The following ARHGAP32 variants were observed in gnomAD, a reference collection of about 807,000 sequenced individuals.
ARHGAP32 encodes Rho GTPase activating protein 32, also known as rho GTPase-activating protein 32.
ARHGAP32 carries 51 observed loss-of-function variants against 186.5 expected under a neutral mutation model. The ratio of observed to expected loss-of-function variants is 0.27; its 90% CI spans 0.22 to 0.35. ARHGAP32 has a LOEUF of 0.35. Ranked by LOEUF, ARHGAP32 falls within the 10% of genes least tolerant of loss-of-function variation. The probability of loss-of-function intolerance (pLI) is 1.00; values close to 1 mark genes in which losing one functional copy is unlikely to be tolerated. For missense variants in ARHGAP32, 2,186 were observed against 2,623.5 expected, an observed-to-expected ratio of 0.83 and a Z score of 3.64; for synonymous variants, 950 against 964.3, an observed-to-expected ratio of 0.99 and a Z score of 0.27.
intron 11 of ARHGAP32, among the ~76,000 whole-genome samples, chr11:129,020,189 C>CA (rs980605543): frequency 1.3e-5 from 2 of 151,204 alleles, no homozygotes; most frequent in Admixed American, 6.6e-5. Flanking sequence ...AGAACTTTGT[C>CA]AAAAAAAATT....
intron 1 of ARHGAP32, among the ~76,000 whole-genome samples, chr11:129,269,863 A>C (rs1224259332): frequency 6.6e-6 from 1 of 152,202 alleles, no homozygotes; most frequent in Non-Finnish European, 1.5e-5. Context: ...CACTGACAAC[A>C]CCAAATGTGG....
At chr11:129,265,916 G>A (rs572319687) in intron 1 of ARHGAP32, among the ~76,000 whole-genome samples, 7 of 152,180 alleles carry the variant, frequency 4.6e-5, no homozygotes, top group African/African-American at 1.4e-4. Flanking sequence ...TAAAAAATGA[G>A]TAACACATAA....
At chr11:129,042,103 T>C (rs1194247970) in intron 10 of ARHGAP32, among the ~76,000 whole-genome samples, 1 of 152,210 alleles carries the variant, frequency 6.6e-6, no homozygotes, top group Non-Finnish European at 1.5e-5. Flanking sequence ...TGTGAAGATA[T>C]AAACCAGTTA....
intron 5 of ARHGAP32, among the ~76,000 whole-genome samples, chr11:129,122,126 TATTTC>T (rs1240259843): frequency 2.0e-5 from 3 of 152,144 alleles, no homozygotes; most frequent in Admixed American, 6.5e-5. Context: ...GTGCTTTTTC[TATTTC>T]ATTATACAAT....
chr11:128,973,349 C>T lies in ARHGAP32; in HGVS notation c.3157G>A (p.Val1053Ile). Residue 1053 changes from valine (V) to isoleucine (I), a missense_variant, in exon 22 of 23, where the codon GTT becomes ATT. By Grantham distance (29) the Val-to-Ile change is conservative. Transcript: ENST00000682385. ...LIPPPPPPKN[V>I]ARMLALALAE... is the part of the protein sequence containing the mutation. ...AATGCTAGCGCCAACATTCGGGCAA[C>T]ATTTTTCGGAGGCGGTGGTGGTGGG... 6.2e-7 allele frequency: 1 copy of T among 1,614,072 alleles called. No homozygotes were observed. The highest frequency in any genetic ancestry group is 2.2e-5 in the East Asian group (1 of 44,882).
chr11:129,061,550 C>T (rs1283620671), intron 10 of ARHGAP32, among the ~76,000 whole-genome samples: 7 of 152,132 alleles, frequency 4.6e-5, no homozygotes, highest in Non-Finnish European at 8.8e-5. Flanking sequence ...TACTTGAACA[C>T]AGCACCTTAA....
chr11:129,167,273 A>T (rs1160616172), intron 1 of ARHGAP32, among the ~76,000 whole-genome samples: 1 of 152,200 alleles, frequency 6.6e-6, no homozygotes, highest in Non-Finnish European at 1.5e-5. Context: ...TATTAGAAGG[A>T]ATGTAAAATG....
intron 10 of ARHGAP32, among the ~76,000 whole-genome samples, chr11:129,050,365 A>G (rs185021518): frequency 6.6e-6 from 1 of 152,040 alleles, no homozygotes; most frequent in African/African-American, 2.4e-5. Flanking sequence ...TTTCTTCTTT[A>G]ATTTTGAGAG....
At chr11:129,055,049 A>T (rs1469208822) in intron 10 of ARHGAP32, among the ~76,000 whole-genome samples, 1 of 152,220 alleles carries the variant, frequency 6.6e-6, no homozygotes, top group Admixed American at 6.5e-5. Context: ...CCTACCCCAC[A>T]ACGACTGAAA....
intron 1 of ARHGAP32, among the ~76,000 whole-genome samples, chr11:129,191,779 G>A (rs1944275261): frequency 6.6e-6 from 1 of 151,908 alleles, no homozygotes; most frequent in Non-Finnish European, 1.5e-5. Flanking sequence ...TCAGATACAG[G>A]AAGGGGTAGT....
At chr11:129,215,595 T>TCAGTTTCTAAA in intron 1 of ARHGAP32, among the ~76,000 whole-genome samples, 1 of 152,274 alleles carries the variant, frequency 6.6e-6, no homozygotes, top group South Asian at 2.1e-4. Flanking sequence ...TTACATTCCT[T>TCAGTTTCTAAA]GGCTCATGAC....
At chr11:129,054,873 A>G (rs1940187946) in intron 10 of ARHGAP32, among the ~76,000 whole-genome samples, 1 of 152,240 alleles carries the variant, frequency 6.6e-6, no homozygotes, top group Non-Finnish European at 1.5e-5. Flanking sequence ...GTTTAAGAAA[A>G]GAAAGAGAGT....
chr11:129,135,447 T>C (rs1413187536), intron 2 of ARHGAP32, among the ~76,000 whole-genome samples: 1 of 152,190 alleles, frequency 6.6e-6, no homozygotes, highest in African/African-American at 2.4e-5. Context: ...ATAACTGTAC[T>C]AAGTCAATCT....
At chr11:129,106,998 A>G (rs1047810932) in intron 5 of ARHGAP32, among the ~76,000 whole-genome samples, 1 of 152,182 alleles carries the variant, frequency 6.6e-6, no homozygotes, top group Non-Finnish European at 1.5e-5. Flanking sequence ...GTTCCACACC[A>G]AGACACACTA....
intron 6 of ARHGAP32, among the ~76,000 whole-genome samples, chr11:129,087,457 C>A (rs1941440981): frequency 6.6e-6 from 1 of 152,058 alleles, no homozygotes; most frequent in Admixed American, 6.6e-5. Context: ...GTAGGAAATT[C>A]AAATGCATAT....
At chr11:129,014,352 G>C (rs1279978918) in intron 11 of ARHGAP32, among the ~76,000 whole-genome samples, 2 of 152,136 alleles carry the variant, frequency 1.3e-5, no homozygotes, top group Non-Finnish European at 2.9e-5. Flanking sequence ...GGCATGGAGA[G>C]GCAGGGCAGT....
At chr11:128,978,402 G>A (rs912747033) in intron 19 of ARHGAP32, among the ~76,000 whole-genome samples, 1 of 152,032 alleles carries the variant, frequency 6.6e-6, no homozygotes, top group Admixed American at 6.5e-5. Context: ...TTATAAACTT[G>A]AAAGTTATGT....
At chr11:129,248,622 G>A (rs555568790) in intron 1 of ARHGAP32, among the ~76,000 whole-genome samples, 1 of 152,250 alleles carries the variant, frequency 6.6e-6, no homozygotes, top group Admixed American at 6.5e-5. Context: ...GCTGTCTACA[G>A]ATAAATAATA....
At chr11:129,016,131 T>C (rs888596934) in intron 11 of ARHGAP32, among the ~76,000 whole-genome samples, 2 of 152,212 alleles carry the variant, frequency 1.3e-5, no homozygotes, top group Non-Finnish European at 2.9e-5. Context: ...CTAATCAGAA[T>C]AGGCATTGTT....
Sources: allele counts gnomAD v4.1 joint callset (sites outside exome capture counted in the v4.1 genomes callset), GRCh38; gene constraint gnomAD v4.1.1; transcripts MANE v1.5; gene names NCBI Gene and HGNC (gene_info 2026-07-23, HGNC 2026-07-21).